The following KIF14 variants were observed in gnomAD, a reference collection of about 807,000 sequenced individuals.
KIF14 encodes the protein kinesin family member 14, also known as kinesin-like protein KIF14.
KIF14 carries 98 observed loss-of-function variants against 176.2 expected under a neutral mutation model. That is an observed-to-expected ratio of 0.56 (90% CI 0.47 to 0.66). KIF14 has a LOEUF of 0.66. Among genes scored for constraint, KIF14 ranks in the 30% least tolerant of loss-of-function variants. The pLI is 0.00. For synonymous variants in KIF14, 566 were observed against 632.2 expected (o/e 0.90, Z 1.57); for missense variants, 1,751 against 1,920.4 (o/e 0.91, Z 1.65).
At chr1:200,567,329 CAGG>C (rs1468104084) in intron 23 of KIF14, among the ~76,000 whole-genome samples, 1 of 151,996 alleles carries the variant, frequency 6.6e-6, no homozygotes, top group African/African-American at 2.4e-5. Flanking sequence ...ATCACGAGGT[CAGG>C]AGATCGAGAC....
intron 22 of KIF14, among the ~76,000 whole-genome samples, chr1:200,574,047 C>T (rs536789049): frequency 6.6e-6 from 1 of 152,264 alleles, no homozygotes; most frequent in Admixed American, 6.5e-5. Flanking sequence ...CACTTAACCT[C>T]TCTAAATCTC....
At chr1:200,620,094 T>C (rs1660609160) in intron 1 of KIF14, among the ~76,000 whole-genome samples, 1 of 152,226 alleles carries the variant, frequency 6.6e-6, no homozygotes, top group Non-Finnish European at 1.5e-5. Context: ...TTTAAATTTT[T>C]ACATAAATAA....
chr1:200,556,813 G>A (rs1656854750), intron 27 of KIF14, among the ~76,000 whole-genome samples: 1 of 152,188 alleles, frequency 6.6e-6, no homozygotes, highest in Non-Finnish European at 1.5e-5. Flanking sequence ...TGGTGCTGCT[G>A]CTGAGCAAAA....
At chr1:200,585,245 A>G (rs1449177478) in intron 19 of KIF14, among the ~76,000 whole-genome samples, 3 of 152,012 alleles carry the variant, frequency 2.0e-5, no homozygotes, top group Non-Finnish European at 4.4e-5. Context: ...ATGACAAAAA[A>G]AAAAAAAAGA....
intron 14 of KIF14, among the ~76,000 whole-genome samples, chr1:200,595,590 A>G (rs941705888): frequency 2.6e-5 from 4 of 152,208 alleles, no homozygotes; most frequent in African/African-American, 9.7e-5. Flanking sequence ...TATTTGTTAA[A>G]GAAAATAATT....
intron 10 of KIF14, among the ~76,000 whole-genome samples, chr1:200,602,823 C>T (rs1027189061): frequency 1.3e-5 from 2 of 152,184 alleles, no homozygotes; most frequent in Admixed American, 6.5e-5. Flanking sequence ...AATTATTCAA[C>T]TTCTCTTTAT....
At chr1:200,562,136 A>T (rs1014673400) in intron 25 of KIF14, among the ~76,000 whole-genome samples, 1 of 152,240 alleles carries the variant, frequency 6.6e-6, no homozygotes, top group Admixed American at 6.5e-5. Flanking sequence ...TTCTCAAACC[A>T]TACTTAGTAG....
chr1:200,568,636 T>C (rs1321193737), intron 23 of KIF14, among the ~76,000 whole-genome samples: 1 of 152,190 alleles, frequency 6.6e-6, no homozygotes, highest in East Asian at 1.9e-4. Context: ...GCTCAATGTA[T>C]ACAAAATTTC....
intron 4 of KIF14, among the ~76,000 whole-genome samples, chr1:200,609,205 C>G (rs1031643370): frequency 4.2e-4 from 64 of 152,166 alleles, no homozygotes; most frequent in Non-Finnish European, 1.9e-4. Flanking sequence ...AACAACTTCA[C>G]ACCCACTAGG....
At chr1:200,560,122 C>A (rs945194306) in intron 26 of KIF14, among the ~76,000 whole-genome samples, 2 of 152,142 alleles carry the variant, frequency 1.3e-5, no homozygotes, top group Non-Finnish European at 2.9e-5. Flanking sequence ...CAAGCAGATA[C>A]AAATTATCTG....
rs1660625247 is a variant in KIF14, at chr1:200,620,412, T to A, written c.-117A>T. On this transcript the variant is annotated splice_region_variant and 5_prime_UTR_variant, in exon 1 of 30. Coordinates refer to ENST00000367350, the MANE Select transcript of KIF14 (RefSeq NM_014875.3). The stretch of plus-strand genomic sequence containing the variant: ...CCAGGGGCTATGACTAAGAATTACC[T>A]CTTAATGCCAACCGACTCGGGGAGA... 1 of 151,576 alleles carries A rather than the reference T, an allele frequency of 6.6e-6. No homozygotes were observed. The highest frequency in any genetic ancestry group is 2.1e-4 in the South Asian group (1 of 4,828). 9.4% of individuals were successfully genotyped at this position (151,576 alleles called of 1,614,324 possible).
rs1293989327 is a variant in KIF14, at chr1:200,553,470, G to A, written c.4865C>T (p.Pro1622Leu). The A allele has an allele frequency of 6.2e-7, 1 of 1,613,924 alleles. No individual in the cohort carries two copies. Among genetic ancestry groups the A allele is most frequent in the Non-Finnish European group, 8.5e-7 (1 of 1,179,992 alleles). ...GCCATGGAGCTCATAGACACGCTTT[G>A]GTACACCTTTATTCTTACTGCCGTC... ...GIDGSKNKGV[P>L]KRVYELHGSS... Residue 1622 changes from proline (P) to leucine (L), a missense_variant, in exon 30 of 30, where the codon CCA (proline) becomes CTA (leucine). Pro to Leu is a moderately conservative substitution (Grantham distance 98). Transcript: ENST00000367350.
intron 17 of KIF14, 81 bp downstream of exon 17, chr1:200,590,044 G>T (rs1658972727): frequency 7.3e-7 from 1 of 1,376,760 alleles, no homozygotes; most frequent in Non-Finnish European, 9.9e-7. Context: ...TCCCTTATAG[G>T]GACATAATCA....
intron 18 of KIF14, 37 bp downstream of exon 18, chr1:200,589,180 C>A (rs1658909998): frequency 6.6e-7 from 1 of 1,519,382 alleles, no homozygotes; most frequent in African/African-American, 1.4e-5. Context: ...CCAGCTTTTT[C>A]TCAGAATAGA....
intron 3 of KIF14, among the ~76,000 whole-genome samples, chr1:200,614,691 T>C (rs1660316838): frequency 7.4e-6 from 1 of 135,310 alleles, no homozygotes; most frequent in Admixed American, 8.0e-5. Context: ...GTGTCTGGAA[T>C]ATAGTAAGAA....
chr1:200,575,733 A>G (rs1658067168), intron 21 of KIF14, 42 bp from the exon 22 acceptor site: 9 of 1,185,662 alleles, frequency 7.6e-6, no homozygotes, highest in Non-Finnish European at 1.1e-5. Flanking sequence ...ATTTGGGGTG[A>G]AAAAATGTTT....
In KIF14 at chr1:200,613,643, A is replaced by G. The variant is rs182493187; in HGVS notation, c.1455+675T>C. 6.3e-4 allele frequency among the ~76,000 whole-genome samples: 96 copies of G among 152,312 alleles called. 1 individual carries two copies. The highest frequency in any genetic ancestry group is 2.2e-3 in the African/African-American group (91 of 41,580). ...AAAATTATAAAATCCCAAGCTCTAC[A>G]CCAGACCAACTGACTCAGAACCCCC... is the stretch of plus-strand genomic sequence containing the variant. On this transcript the variant is annotated intron_variant, in intron 4 of 29. Coordinates refer to ENST00000367350, the MANE Select transcript of KIF14 (RefSeq NM_014875.3).
At position 200,617,956 on chromosome 1, in the gene KIF14, A is replaced by G; in HGVS notation, c.768T>C (p.His256=). 1 of 1,613,954 alleles carries G rather than the reference A, an allele frequency of 6.2e-7. No homozygotes were observed. The highest frequency in any genetic ancestry group is 8.5e-7 in the Non-Finnish European group (1 of 1,179,982). The change falls in exon 2 of 30, where the codon CAT becomes CAC. Residue 256 remains histidine (H), a synonymous_variant. Transcript: ENST00000367350. The part of the protein sequence containing the change: ...IKVLGTGNLY[H]RSIGKEIAKT... ...TTGCAATTTCCTTCCCAATACTTCTATGATACAAGTTTCCTGTTCCCAACA... is the reference window on the plus strand; with the variant it reads ...TTGCAATTTCCTTCCCAATACTTCTGTGATACAAGTTTCCTGTTCCCAACA...
chr1:200,557,107 G>A (rs969819752), intron 27 of KIF14, among the ~76,000 whole-genome samples: 8 of 152,144 alleles, frequency 5.3e-5, no homozygotes, highest in Non-Finnish European at 1.2e-4. Context: ...AGGTTCAAGC[G>A]ATTCTCCTGC....
Sources: gnomAD v4.1 joint callset for allele counts (sites outside exome capture counted in the v4.1 genomes callset) on GRCh38, gnomAD v4.1.1 for gene constraint, MANE v1.5 for transcripts, NCBI Gene and HGNC (gene_info 2026-07-23, HGNC 2026-07-21) for gene names.